The following KCTD13 variants were observed in gnomAD, a reference collection of about 807,000 sequenced individuals.
KCTD13 encodes BTB/POZ domain-containing adapter for CUL3-mediated RhoA degradation protein 1.
KCTD13 carries 15 observed loss-of-function variants against 32.3 expected under a neutral mutation model. That is an observed-to-expected ratio of 0.46 (90% CI 0.31 to 0.71). The LOEUF is 0.71. KCTD13 is among the 30% of genes least tolerant of loss of function. KCTD13 has a pLI of 0.05. For synonymous variants in KCTD13, 189 were observed against 200.1 expected, an observed-to-expected ratio of 0.94 and a Z score of 0.47; for missense variants, 337 against 452.6, an observed-to-expected ratio of 0.74 and a Z score of 2.32.
At chr16:29,916,906 G>A (rs962615946) in intron 2 of KCTD13, among the ~76,000 whole-genome samples, 1 of 152,182 alleles carries the variant, frequency 6.6e-6, no homozygotes, top group South Asian at 2.1e-4. Flanking sequence ...CGGGGAGTCT[G>A]TGCTTGCTGT....
At chr16:29,921,609 T>C (rs1338778138) in intron 2 of KCTD13, 1 of 152,172 alleles carries the variant, frequency 6.6e-6, no homozygotes, top group Non-Finnish European at 1.5e-5. Flanking sequence ...TGACACACAG[T>C]GGGTACATGA....
At chr16:29,921,697 C>T (rs909353173) in intron 2 of KCTD13, 4 of 152,182 alleles carry the variant, frequency 2.6e-5, no homozygotes, top group Non-Finnish European at 4.4e-5. Context: ...AACTACAGGC[C>T]GGTGGCTCAC....
At chr16:29,907,999 G>A (rs2068642391) in intron 5 of KCTD13, among the ~76,000 whole-genome samples, 2 of 151,602 alleles carry the variant, frequency 1.3e-5, no homozygotes, top group African/African-American at 4.8e-5. Flanking sequence ...AAAAGAGAGA[G>A]AGAGAGAAAG....
chr16:29,916,746 G>A (rs1039341837), intron 2 of KCTD13, among the ~76,000 whole-genome samples: 2 of 152,198 alleles, frequency 1.3e-5, no homozygotes, highest in Non-Finnish European at 2.9e-5. Flanking sequence ...CATAGTTTCT[G>A]TGGGTCAGGA....
At chr16:29,918,123 TAATAATGTTGA>T (rs1452099805) in intron 2 of KCTD13, among the ~76,000 whole-genome samples, 9 of 152,250 alleles carry the variant, frequency 5.9e-5, no homozygotes, top group African/African-American at 1.7e-4. Context: ...TAATCTCATG[TAATAATGTTGA>T]AGAGAAAAGA....
At chr16:29,908,380 A>T (rs900538028) in intron 5 of KCTD13, among the ~76,000 whole-genome samples, 3 of 151,770 alleles carry the variant, frequency 2.0e-5, no homozygotes, top group African/African-American at 7.3e-5. Flanking sequence ...TTAATTTTTT[A>T]TTTTTATTTT....
intron 2 of KCTD13, among the ~76,000 whole-genome samples, chr16:29,918,047 G>A (rs1228988159): frequency 6.6e-6 from 1 of 152,206 alleles, no homozygotes; most frequent in Non-Finnish European, 1.5e-5. Flanking sequence ...AAAAAATGGT[G>A]AGGAATTGGA....
chr16:29,911,088 C>A lies in KCTD13; in HGVS notation c.643G>T (p.Asp215Tyr). ...RFHGRLLFLK[D>Y]VLGDEICCWS... ...CAGCAGATCTCGTCCCCCAGGACAT[C>A]CTTGAGGAAGAGTAGCCGCCCGTGG... Residue 215 changes from aspartate (D) to tyrosine (Y), a missense_variant, in exon 5 of 6, where the codon GAT becomes TAT. Physicochemically the swap from Asp to Tyr is radical, Grantham distance 160. This residue lies in a region of KCTD13 where 252 missense variants were observed against 340.2 expected (regional missense o/e 0.74). Transcript: ENST00000568000. 2.5e-6 allele frequency: 4 copies of A among 1,614,176 alleles called. No individual in the cohort carries two copies. The highest frequency in any genetic ancestry group is 3.4e-6 in the Non-Finnish European group (4 of 1,180,030).
rs541171011 is a variant in KCTD13, at chr16:29,906,791, G to C, written c.*81C>G. 7.0e-6 allele frequency: 9 copies of C among 1,280,954 alleles called. No individual in the cohort carries two copies. The highest frequency in any genetic ancestry group is 1.0e-5 in the Non-Finnish European group (9 of 904,212). 79.3% of individuals were successfully genotyped at this position (1,280,954 alleles called of 1,614,324 possible). A position where few individuals can be genotyped will look rare whatever the true frequency, so the allele number is the denominator to read the frequency against. On this transcript the variant is annotated 3_prime_UTR_variant, in exon 6 of 6. Transcript: ENST00000568000. ...GACCCACGACTTGGCCAGCAGAGCCGGGGCAAAAGTCTGGGAAGGGGAGGG... is the reference window on the plus strand; with the variant it reads ...GACCCACGACTTGGCCAGCAGAGCCCGGGCAAAAGTCTGGGAAGGGGAGGG...
rs1201122203 is a variant in KCTD13 at position 29,926,027 on chromosome 16, C to T, written c.7G>A (p.Ala3Thr). Residue 3 changes from alanine (A) to threonine (T), a missense_variant, in exon 1 of 6, where the codon GCG becomes ACG. By Grantham distance (58) the Ala-to-Thr change is moderately conservative. This residue lies in a region of KCTD13 where 64 missense variants were observed against 59.6 expected (regional missense o/e 1.07). Transcript: ENST00000568000. ...GCGGCAGCCGGGCCCGAGGCCTCCG[C>T]CGACATGCCGGGTAGCAGCGGCGGA... MS[A>T]EASGPAAAAA... is the part of the protein sequence containing the mutation. The T allele has an allele frequency of 6.5e-6, 10 of 1,527,526 alleles. No individual in the cohort carries two copies. Among genetic ancestry groups the T allele is most frequent in the Non-Finnish European group, 8.7e-6 (10 of 1,144,052 alleles). The allele number at this position is 1,527,526 out of a possible 1,614,324, so 94.6% of individuals were successfully genotyped here. A position where few individuals can be genotyped will look rare whatever the true frequency, so the allele number is the denominator to read the frequency against.
chr16:29,922,492 C>A (rs184443784), intron 2 of KCTD13: 1 of 152,842 alleles, frequency 6.5e-6, no homozygotes, highest in Admixed American at 6.5e-5. Flanking sequence ...AGGACAGAAT[C>A]CCAGAGGTAG....
intron 2 of KCTD13, among the ~76,000 whole-genome samples, chr16:29,918,139 A>G (rs2068842143): frequency 6.6e-6 from 1 of 152,242 alleles, no homozygotes; most frequent in Non-Finnish European, 1.5e-5. Flanking sequence ...TGTTGAAGAG[A>G]AAAGACTTAT....
chr16:29,907,161 G>C, intron 5 of KCTD13, 53 bp from the exon 6 acceptor site: 1 of 1,317,290 alleles, frequency 7.6e-7, no homozygotes, highest in Non-Finnish European at 1.1e-6. Flanking sequence ...GTCACGCAGG[G>C]CCATCCCCCT....
chr16:29,923,332 C>T lies in KCTD13; in HGVS notation c.272G>A (p.Arg91His), dbSNP rs199647677. The T allele has an allele frequency of 3.0e-5, 49 of 1,613,956 alleles. No individual in the cohort carries two copies. The highest frequency in any genetic ancestry group is 4.5e-5 in the East Asian group (2 of 44,874). Residue 91 changes from arginine to histidine, a missense_variant, in exon 2 of 6, where the codon CGT (arginine) becomes CAT (histidine). This residue lies in a region of KCTD13 where 252 missense variants were observed against 340.2 expected (regional missense o/e 0.74). Coordinates refer to ENST00000568000, the MANE Select transcript of KCTD13 (RefSeq NM_178863.5). ...GTAATTGAGGATTGTACCAAAGTGACGGCCGCTCCGGTCAATCAGCACCCA... is the reference window on the plus strand; with the variant it reads ...GTAATTGAGGATTGTACCAAAGTGATGGCCGCTCCGGTCAATCAGCACCCA... ...GGWVLIDRSG[R>H]HFGTILNYLR...
rs867529316 is a variant in KCTD13 at position 29,926,174 on chromosome 16, C to A, written c.-141G>T. ...ACTCACCGCAGCTACTCTGCAAGACCGGCCCTCCGCCCCATCTCGCTCGCA... is the reference window on the plus strand; with the variant it reads ...ACTCACCGCAGCTACTCTGCAAGACAGGCCCTCCGCCCCATCTCGCTCGCA... On this transcript the variant is annotated 5_prime_UTR_variant, in exon 1 of 6. Coordinates refer to ENST00000568000, the MANE Select transcript of KCTD13 (RefSeq NM_178863.5). The A allele has an allele frequency of 1.6e-5, 16 of 986,480 alleles. No homozygotes were observed. The highest frequency in any genetic ancestry group is 2.2e-5 in the Non-Finnish European group (16 of 725,738). The allele number at this position is 986,480 out of a possible 1,614,324, so 61.1% of individuals were successfully genotyped here. A position where few individuals can be genotyped will look rare whatever the true frequency, so the allele number is the denominator to read the frequency against.
chr16:29,923,398 G>C, intron 1 of KCTD13, 39 bp from the exon 2 acceptor site: 1 of 1,594,286 alleles, frequency 6.3e-7, no homozygotes, highest in Non-Finnish European at 8.6e-7. Context: ...AGATGGCTTT[G>C]CTGCGGGACC....
At chr16:29,920,419 A>G (rs2068888527) in intron 2 of KCTD13, 1 of 152,256 alleles carries the variant, frequency 6.6e-6, no homozygotes. Context: ...GTCCCATGCT[A>G]CAGGCTTAGA....
Position 29,918,353 on chromosome 16 carries a change from A to G in KCTD13, c.414+4837T>C, listed in dbSNP as rs548267752. Among the ~76,000 whole-genome samples the G allele has an allele frequency of 2.0e-5, 3 of 152,380 alleles. No homozygotes were observed. The East Asian group carries it at 5.8e-4, about 29-fold the overall frequency. ...CCAATTATGAACGTCATTAATGACG[A>G]GTCATATTAACAATATTATGGGTTG... On this transcript the variant is annotated intron_variant, in intron 2 of 5. Transcript: ENST00000568000.
In KCTD13 at chr16:29,911,151, T is replaced by G; in HGVS notation, c.580A>C (p.Lys194Gln). The change falls in exon 5 of 6, where the codon AAG (lysine) becomes CAG (glutamine). Residue 194 changes from lysine (K) to glutamine (Q), a missense_variant. Coordinates refer to ENST00000568000, the MANE Select transcript of KCTD13 (RefSeq NM_178863.5). The stretch of plus-strand genomic sequence containing the variant: ...AGCTTGTCGAACAGCTCGATGTTCT[T>G]AAGTAGGTTGTCATCTGAAGTGCTG... ...YTSTSDDNLL[K>Q]NIELFDKLAL... 1.9e-6 allele frequency: 3 copies of G among 1,614,016 alleles called. No homozygotes were observed. Among genetic ancestry groups the G allele is most frequent in the Non-Finnish European group, 2.5e-6 (3 of 1,179,954 alleles).
Sources: allele counts gnomAD v4.1 joint callset (sites outside exome capture counted in the v4.1 genomes callset), GRCh38; gene constraint gnomAD v4.1.1; regional missense constraint gnomAD v4.1.1; transcripts MANE v1.5; gene names NCBI Gene and HGNC (gene_info 2026-07-23, HGNC 2026-07-21).